The following PLCB1 variants were observed in gnomAD, a reference collection of about 807,000 sequenced individuals.
PLCB1 encodes the protein 1-phosphatidylinositol 4,5-bisphosphate phosphodiesterase beta-1.
In PLCB1, 46 loss-of-function variants were observed where a neutral mutation model predicts 161.8. The ratio of observed to expected loss-of-function variants is 0.28; its 90% CI spans 0.22 to 0.36. The LOEUF is 0.36. PLCB1 is among the 10% of genes least tolerant of loss of function. The pLI, the probability that PLCB1 is intolerant of heterozygous loss-of-function variation, is 1.00. For missense variants in PLCB1, 1,016 were observed against 1,472.5 expected (o/e 0.69, Z 5.07); for synonymous variants, 517 against 503.7 (o/e 1.03, Z -0.35).
intron 3 of PLCB1, among the ~76,000 whole-genome samples, chr20:8,519,997 G>A (rs1417761531): frequency 6.6e-6 from 1 of 152,078 alleles, no homozygotes; most frequent in Non-Finnish European, 1.5e-5. Context: ...AAGCATGAAT[G>A]CTTTAAAGTT....
intron 2 of PLCB1, among the ~76,000 whole-genome samples, chr20:8,227,205 T>G (rs1979746499): frequency 6.6e-6 from 1 of 152,152 alleles, no homozygotes; most frequent in Non-Finnish European, 1.5e-5. Flanking sequence ...GACTAGAGGC[T>G]ACCATATTGG....
intron 3 of PLCB1, among the ~76,000 whole-genome samples, chr20:8,402,543 A>G (rs1386846688): frequency 2.6e-5 from 4 of 152,130 alleles, no homozygotes; most frequent in Admixed American, 2.0e-4. Flanking sequence ...CTTTTAAAAA[A>G]TAGTTTCCAG....
intron 3 of PLCB1, among the ~76,000 whole-genome samples, chr20:8,522,381 A>G (rs1424183579): frequency 1.3e-5 from 2 of 152,124 alleles, no homozygotes; most frequent in Non-Finnish European, 2.9e-5. Context: ...CATCATCCTC[A>G]TTCTGGCCTG....
chr20:8,714,391 C>T (rs1408651594), intron 12 of PLCB1, among the ~76,000 whole-genome samples: 7 of 152,148 alleles, frequency 4.6e-5, no homozygotes, highest in African/African-American at 1.7e-4. Context: ...TTCTTATCAG[C>T]AGCAGCCACA....
Position 8,333,935 on chromosome 20 carries a change from C to T in PLCB1, c.178-37447C>T, listed in dbSNP as rs1044568751. Among the ~76,000 whole-genome samples the T allele has an allele frequency of 8.5e-5, 13 of 152,204 alleles. No individual in the cohort carries two copies. The South Asian group carries it at 1.0e-3, about 12-fold the overall frequency. ...TAGAAAACATTAGCTTTGGGCCTGG[C>T]GCGGTGGCTCACGCCTATAATCCCA... On this transcript the variant is annotated intron_variant, in intron 2 of 31. Transcript: ENST00000338037.
At chr20:8,508,951 A>C (rs908818540) in intron 3 of PLCB1, among the ~76,000 whole-genome samples, 9 of 152,146 alleles carry the variant, frequency 5.9e-5, no homozygotes, top group African/African-American at 2.2e-4. Flanking sequence ...AGCAAACACA[A>C]CCAACTTTTA....
chr20:8,579,023 CT>C (rs1245858200), intron 3 of PLCB1, among the ~76,000 whole-genome samples: 1 of 152,190 alleles, frequency 6.6e-6, no homozygotes, highest in African/African-American at 2.4e-5. Context: ...TTTCAGAGCA[CT>C]TCTTTTTCTT....
In PLCB1 at chr20:8,592,961, G is replaced by A. The variant is rs143026155; in HGVS notation, c.247-35333G>A. Reference sequence around the variant, plus strand: ...ATTCCGGAAACCCAGGCTGCACCCAGTCCAGTTAATCAGAATCTCTGAGGG... The same window carrying A: ...ATTCCGGAAACCCAGGCTGCACCCAATCCAGTTAATCAGAATCTCTGAGGG... On this transcript the variant is annotated intron_variant, in intron 3 of 31. Transcript: ENST00000338037. 5.2e-3 allele frequency among the ~76,000 whole-genome samples: 785 copies of A among 152,188 alleles called. 9 individuals carry two copies. The highest frequency in any genetic ancestry group is 0.016 in the African/African-American group (650 of 41,542).
chr20:8,594,200 C>A (rs1313965808), intron 3 of PLCB1, among the ~76,000 whole-genome samples: 1 of 152,102 alleles, frequency 6.6e-6, no homozygotes, highest in African/African-American at 2.4e-5. Flanking sequence ...CATGCCTAGC[C>A]CAGATCCATG....
chr20:8,734,893 T>C (rs1325459633), intron 19 of PLCB1, among the ~76,000 whole-genome samples: 1 of 152,228 alleles, frequency 6.6e-6, no homozygotes. Context: ...GCTTCACTAA[T>C]TTCTTTCTAC....
Position 8,644,267 on chromosome 20 carries a change from C to T in PLCB1, c.385-1835C>T, listed in dbSNP as rs1391097641. Reference sequence around the variant, plus strand: ...CTGCCTGGCCGCCCATCGTCTGGGACATGAGGAGCCCCTCTGCCTGGCTGC... The same window carrying T: ...CTGCCTGGCCGCCCATCGTCTGGGATATGAGGAGCCCCTCTGCCTGGCTGC... On this transcript the variant is annotated intron_variant, in intron 4 of 31. Transcript: ENST00000338037. 8.4e-3 allele frequency among the ~76,000 whole-genome samples: 1,254 copies of T among 149,224 alleles called. 15 individuals are homozygous for T. Among genetic ancestry groups the T allele is most frequent in the African/African-American group, 0.026 (1,062 of 40,402 alleles).
intron 5 of PLCB1, 85 bp downstream of exon 5, chr20:8,646,266 A>C: frequency 1.1e-6 from 1 of 896,112 alleles, no homozygotes; most frequent in Non-Finnish European, 1.9e-6. Flanking sequence ...CGTTTATGCC[A>C]TACTGACTTC....
At chr20:8,874,225 T>TACACACACACAC (rs56986559) in intron 31 of PLCB1, among the ~76,000 whole-genome samples, 9 of 132,472 alleles carry the variant, frequency 6.8e-5, no homozygotes, top group African/African-American at 2.5e-4. Flanking sequence ...TATGTGTATG[T>TACACACACACAC]ACACACACAC....
chr20:8,283,814 T>C (rs1340108447), intron 2 of PLCB1, among the ~76,000 whole-genome samples: 1 of 152,098 alleles, frequency 6.6e-6, no homozygotes, highest in Non-Finnish European at 1.5e-5. Flanking sequence ...TTGATATCTA[T>C]TTCTTTGTGA....
At chr20:8,603,883 T>G (rs78735483) in intron 3 of PLCB1, among the ~76,000 whole-genome samples, 1 of 152,242 alleles carries the variant, frequency 6.6e-6, no homozygotes, top group Non-Finnish European at 1.5e-5. Flanking sequence ...GTTAATAATA[T>G]TTTGGAACTA....
intron 3 of PLCB1, among the ~76,000 whole-genome samples, chr20:8,464,592 G>T (rs1981727480): frequency 6.6e-6 from 1 of 152,154 alleles, no homozygotes; most frequent in Admixed American, 6.5e-5. Flanking sequence ...ATAGGCCAAG[G>T]TAAACAACCT....
At chr20:8,753,864 C>T (rs2123555310) in intron 23 of PLCB1, among the ~76,000 whole-genome samples, 1 of 152,332 alleles carries the variant, frequency 6.6e-6, no homozygotes, top group East Asian at 1.9e-4. Flanking sequence ...CTGCTCTGGA[C>T]ATGACCTCAC....
intron 3 of PLCB1, among the ~76,000 whole-genome samples, chr20:8,496,128 T>C (rs1048086180): frequency 6.6e-6 from 1 of 152,170 alleles, no homozygotes; most frequent in Non-Finnish European, 1.5e-5. Context: ...GAAAACTAAA[T>C]GAGAGGCTTA....
At chr20:8,776,961 AG>A (rs1398312067) in intron 27 of PLCB1, among the ~76,000 whole-genome samples, 1 of 152,130 alleles carries the variant, frequency 6.6e-6, no homozygotes, top group Non-Finnish European at 1.5e-5. Flanking sequence ...TTTACGCAGA[AG>A]GCAACATCTG....
Sources: allele counts gnomAD v4.1 joint callset (sites outside exome capture counted in the v4.1 genomes callset), GRCh38; gene constraint gnomAD v4.1.1; transcripts MANE v1.5; gene names NCBI Gene and HGNC (gene_info 2026-07-23, HGNC 2026-07-21).